Variants in MED14 observed in about 807,000 individuals in gnomAD.
MED14 encodes mediator complex subunit 14, also known as mediator of RNA polymerase II transcription subunit 14.
A neutral mutation model predicts 109.0 loss-of-function variants in MED14; 8 were observed. The ratio of observed to expected loss-of-function variants is 0.07; its 90% CI spans 0.04 to 0.13. MED14 has a LOEUF of 0.13. Among genes scored for constraint, MED14 ranks in the 10% least tolerant of loss-of-function variants. MED14 has a pLI of 1.00. For missense variants in MED14, 711 were observed against 1,142.4 expected, an observed-to-expected ratio of 0.62 and a Z score of 5.44; for synonymous variants, 399 against 408.7, an observed-to-expected ratio of 0.98 and a Z score of 0.29.
intron 15 of MED14, 42 bp downstream of exon 15, chrX:40,692,141 C>T (rs370561221): frequency 8.9e-5 from 103 of 1,163,031 alleles, no homozygotes; most frequent in South Asian, 2.8e-4. Context: ...TTAAAAACTA[C>T]TCTTTCATTT....
At chrX:40,679,061 C>G (rs1045765711) in intron 21 of MED14, among the ~76,000 whole-genome samples, 4 of 111,646 alleles carry the variant, frequency 3.6e-5, no homozygotes, top group Non-Finnish European at 7.5e-5. Flanking sequence ...TTATTTGACT[C>G]TAGACTAAAA....
intron 13 of MED14, among the ~76,000 whole-genome samples, chrX:40,696,526 C>T (rs761417895): frequency 9.0e-6 from 1 of 110,558 alleles, no homozygotes. Context: ...AATAAAGAAA[C>T]TAAAAAACAT....
chrX:40,710,061 T>C lies in MED14; in HGVS notation c.1091A>G (p.Asn364Ser). 8.5e-7 allele frequency: 1 copy of C among 1,182,799 alleles called. No homozygotes were observed. Among genetic ancestry groups the C allele is most frequent in the Non-Finnish European group, 1.1e-6 (1 of 875,152 alleles). ...AATCTGTAAAGGCTTGGAGACATCA[T>C]TCTCATCAATTTTAATTGTAACTTT... is the stretch of plus-strand genomic sequence containing the variant. Reference protein sequence around the residue: ...VHKVTIKIDENDVSKPLQIFH... With the variant: ...VHKVTIKIDESDVSKPLQIFH... The change falls in exon 9 of 31, where the codon AAT (asparagine) becomes AGT (serine). Residue 364 changes from asparagine to serine, a missense_variant. By Grantham distance (46) the Asn-to-Ser change is conservative. Around this residue, in one of 8 missense-constraint regions of MED14, gnomAD observed 388 missense variants for 517.3 expected, o/e 0.75. Coordinates refer to ENST00000324817, the MANE Select transcript of MED14 (RefSeq NM_004229.4).
At chrX:40,706,151 A>T (rs1390391082) in intron 10 of MED14, among the ~76,000 whole-genome samples, 1 of 111,630 alleles carries the variant, frequency 9.0e-6, no homozygotes. Flanking sequence ...CTAAGAATAG[A>T]CTATGTAGTC....
intron 22 of MED14, among the ~76,000 whole-genome samples, 180 bp downstream of exon 22, chrX:40,675,041 A>G (rs1017840808): frequency 3.6e-5 from 4 of 112,564 alleles, no homozygotes; most frequent in Non-Finnish European, 7.5e-5. Context: ...TTCCAACACT[A>G]TTCATTTCTT....
intron 1 of MED14, among the ~76,000 whole-genome samples, chrX:40,730,945 G>A (rs930744483): frequency 9.2e-6 from 1 of 108,194 alleles, no homozygotes; most frequent in Admixed American, 9.9e-5. Context: ...GAGTCCGGGA[G>A]TTTGGGACCA....
In MED14 at chrX:40,722,377, T is replaced by C. The variant is rs141836436; in HGVS notation, c.348+4369A>G. On this transcript the variant is annotated intron_variant, in intron 3 of 30. Coordinates refer to ENST00000324817, the MANE Select transcript of MED14 (RefSeq NM_004229.4). ...GAGTTGATCAACCAGAAGAAAGAAT[T>C]AGTGAGCTTGAAGACAGGCTATTTG... Among the ~76,000 whole-genome samples the C allele has an allele frequency of 5.8e-3, 649 of 111,308 alleles. 5 individuals carry two copies. Among genetic ancestry groups the C allele is most frequent in the Admixed American group, 0.011 (116 of 10,466 alleles).
chrX:40,652,961 G>C (rs186130650), intron 30 of MED14, among the ~76,000 whole-genome samples: 1 of 110,024 alleles, frequency 9.1e-6, no homozygotes, highest in East Asian at 2.9e-4. Flanking sequence ...GAAATCCAAA[G>C]GTCTGCCCAG....
chrX:40,702,055 C>T (rs1031062023), intron 11 of MED14, among the ~76,000 whole-genome samples: 1 of 111,753 alleles, frequency 8.9e-6, no homozygotes, highest in African/African-American at 3.3e-5. Context: ...AAGAAGGCAG[C>T]TGTCTATATA....
chrX:40,664,196 TA>T lies in MED14; in HGVS notation c.3448+110del. ...CATCTGCATCCTTTGTAATATCCTT[TA>T]AGTATCCTCTCTCAAAAAGTAGGTC... On this transcript the variant is annotated intron_variant, in intron 25 of 30. Coordinates refer to ENST00000324817, the MANE Select transcript of MED14 (RefSeq NM_004229.4). 4 of 691,172 alleles carry T rather than the reference TA, an allele frequency of 5.8e-6. No individual in the cohort carries two copies. The Admixed American group carries it at 1.2e-4, about 20-fold the overall frequency. The allele number at this position is 691,172 out of a possible 1,213,427, so 57.0% of individuals were successfully genotyped here.
chrX:40,723,122 GA>G (rs2146733100), intron 3 of MED14, among the ~76,000 whole-genome samples: 1 of 112,100 alleles, frequency 8.9e-6, no homozygotes, highest in South Asian at 3.7e-4. Flanking sequence ...ATCTTCAGTA[GA>G]AAGACTAAAT....
intron 3 of MED14, among the ~76,000 whole-genome samples, chrX:40,718,356 G>C (rs1030964919): frequency 7.2e-5 from 8 of 111,824 alleles, no homozygotes; most frequent in Non-Finnish European, 1.1e-4. Context: ...CAAGCTCAAA[G>C]AGTACCAAAG....
rs746466090 is a variant in MED14, at chrX:40,659,771, C to T, written c.3685-164G>A. 529 of 409,100 alleles carry T rather than the reference C, an allele frequency of 1.3e-3. 2 individuals carry two copies. The highest frequency in any genetic ancestry group is 0.01 in the Middle Eastern group (16 of 1,580). 33.7% of individuals were successfully genotyped at this position (409,100 alleles called of 1,213,427 possible). A position where few individuals can be genotyped will look rare whatever the true frequency, so the allele number is the denominator to read the frequency against. On this transcript the variant is annotated intron_variant, in intron 26 of 30. Coordinates refer to ENST00000324817, the MANE Select transcript of MED14 (RefSeq NM_004229.4). ...GCTGGCAACACTGCAAAAAGAGATG[C>T]GATCAGACATTATGTGCCTCTTGAT...
chrX:40,735,169 G>A (rs1932212651), intron 1 of MED14, 29 bp downstream of exon 1: 3 of 1,027,268 alleles, frequency 2.9e-6, no homozygotes, highest in East Asian at 8.2e-5. Context: ...GGGGGGCTGG[G>A]GAACAGGCAG....
chrX:40,676,048 A>G (rs960060549), intron 21 of MED14, among the ~76,000 whole-genome samples: 1 of 112,461 alleles, frequency 8.9e-6, no homozygotes. Context: ...TAATCGCAGC[A>G]CTTTGGGAGG....
chrX:40,691,607 CTT>C (rs36144185), intron 15 of MED14, among the ~76,000 whole-genome samples: 3 of 59,457 alleles, frequency 5.0e-5, no homozygotes, highest in East Asian at 6.5e-4. Flanking sequence ...TTCTTTTAAT[CTT>C]TTTTTTTTTT....
chrX:40,713,066 A>G, intron 5 of MED14, 24 bp from the exon 6 acceptor site: 3 of 1,147,835 alleles, frequency 2.6e-6, no homozygotes, highest in Non-Finnish European at 3.5e-6. Context: ...AAGATGAAGA[A>G]AAAGAAGTGT....
At chrX:40,656,810 G>A (rs1301894249) in intron 28 of MED14, among the ~76,000 whole-genome samples, 1 of 112,537 alleles carries the variant, frequency 8.9e-6, no homozygotes, top group Non-Finnish European at 1.9e-5. Flanking sequence ...CCTCCATTTC[G>A]AGCAATATGC....
chrX:40,690,114 C>T (rs1402659244), intron 15 of MED14, among the ~76,000 whole-genome samples: 3 of 111,939 alleles, frequency 2.7e-5, no homozygotes, highest in East Asian at 5.6e-4. Context: ...TTCATATAAT[C>T]AATCCAAATA....
Sources: allele counts gnomAD v4.1 joint callset (sites outside exome capture counted in the v4.1 genomes callset), GRCh38; gene constraint gnomAD v4.1.1; regional missense constraint gnomAD v4.1.1; transcripts MANE v1.5; gene names NCBI Gene and HGNC (gene_info 2026-07-23, HGNC 2026-07-21).